GABRA2: variants seen among roughly 807,000 people sequenced by gnomAD.
GABRA2 encodes gamma-aminobutyric acid type A receptor subunit alpha2, also known as gamma-aminobutyric acid receptor subunit alpha-2.
In GABRA2, 16 loss-of-function variants were observed where a neutral mutation model predicts 48.7. The observed-to-expected ratio is 0.33, with a 90% confidence interval of 0.22 to 0.50. GABRA2 has a LOEUF of 0.50. GABRA2 is among the 20% of genes least tolerant of loss of function. The probability of loss-of-function intolerance (pLI) is 0.98; values close to 1 mark genes in which losing one functional copy is unlikely to be tolerated. For synonymous variants in GABRA2, 185 were observed against 184.5 expected (o/e 1.00, Z -0.02); for missense variants, 275 against 535.6 (o/e 0.51, Z 4.80).
At chr4:46,289,477 T>C (rs1227078607) in intron 8 of GABRA2, among the ~76,000 whole-genome samples, 2 of 152,136 alleles carry the variant, frequency 1.3e-5, no homozygotes, top group African/African-American at 4.8e-5. Context: ...ATATTCTCAC[T>C]TATAAGTGGT....
intron 8 of GABRA2, 186 bp downstream of exon 8, chr4:46,303,274 A>T (rs560566413): frequency 4.4e-5 from 25 of 572,392 alleles, no homozygotes; most frequent in African/African-American, 4.3e-4. Flanking sequence ...TTCTTTCCTT[A>T]TATCCCTTAT....
chr4:46,287,383 T>C (rs904993048), intron 8 of GABRA2, among the ~76,000 whole-genome samples: 1 of 152,064 alleles, frequency 6.6e-6, no homozygotes, highest in Non-Finnish European at 1.5e-5. Flanking sequence ...TGGATAAGAA[T>C]GTCCAACAAT....
At chr4:46,262,714 A>T (rs991661874) in intron 8 of GABRA2, among the ~76,000 whole-genome samples, 3 of 152,072 alleles carry the variant, frequency 2.0e-5, no homozygotes, top group Non-Finnish European at 4.4e-5. Flanking sequence ...CCTGGCCAAG[A>T]TGGTGAAACC....
intron 3 of GABRA2, among the ~76,000 whole-genome samples, chr4:46,335,980 C>A (rs1271507710): frequency 6.6e-6 from 1 of 152,028 alleles, no homozygotes; most frequent in African/African-American, 2.4e-5. Context: ...TTTTATGGGA[C>A]CTTTCAACTT....
chr4:46,376,683 T>G (rs1485080412), intron 3 of GABRA2, among the ~76,000 whole-genome samples: 3 of 151,906 alleles, frequency 2.0e-5, no homozygotes, highest in Admixed American at 2.0e-4. Context: ...AGCCGAGAGT[T>G]CAAGACCAGA....
At position 46,305,677 on chromosome 4, in the gene GABRA2, C is replaced by A; in HGVS notation, c.594G>T (p.Trp198Cys). The A allele has an allele frequency of 6.2e-7, 1 of 1,613,018 alleles. No individual in the cohort carries two copies. The highest frequency in any genetic ancestry group is 1.1e-5 in the South Asian group (1 of 91,040). ...AYTTSEVTYI[W>C]TYNASDSVQV... The stretch of plus-strand genomic sequence containing the variant: ...GTACTGAATCAGATGCATTGTAAGT[C>A]CAAATATAAGTGACCTCTGAAGTTG... Residue 198 changes from tryptophan (W) to cysteine (C), a missense_variant, in exon 7 of 10, where the codon TGG (tryptophan) becomes TGT (cysteine). By Grantham distance (215) the Trp-to-Cys change is radical. This residue lies in a region of GABRA2 where 113 missense variants were observed against 257.1 expected (regional missense o/e 0.44). Coordinates refer to ENST00000381620, the MANE Select transcript of GABRA2 (RefSeq NM_000807.4).
intron 9 of GABRA2, among the ~76,000 whole-genome samples, chr4:46,257,792 T>C (rs1189413506): frequency 2.0e-5 from 3 of 151,320 alleles, no homozygotes; most frequent in Non-Finnish European, 4.4e-5. Context: ...CTATAAAAAG[T>C]ATGAGAGATG....
At chr4:46,355,106 A>G (rs1047384328) in intron 3 of GABRA2, among the ~76,000 whole-genome samples, 2 of 152,042 alleles carry the variant, frequency 1.3e-5, no homozygotes, top group African/African-American at 4.8e-5. Context: ...CCACGTCAAC[A>G]CTTCACTTTC....
chr4:46,377,325 G>T (rs1234852182), intron 3 of GABRA2, among the ~76,000 whole-genome samples: 2 of 151,602 alleles, frequency 1.3e-5, no homozygotes, highest in African/African-American at 4.8e-5. Context: ...CATCTGGGAA[G>T]TGAGGAGCGT....
At position 46,250,060 on chromosome 4, in the gene GABRA2, CT is replaced by C; in HGVS notation, c.*247del. 2.6e-6 allele frequency: 1 copy of C among 390,828 alleles called. No homozygotes were observed. The highest frequency in any genetic ancestry group is 4.6e-6 in the Non-Finnish European group (1 of 217,312). 24.2% of individuals were successfully genotyped at this position (390,828 alleles called of 1,614,324 possible). On this transcript the variant is annotated 3_prime_UTR_variant, in exon 10 of 10. Transcript: ENST00000381620. ...AATTAATCAGGTCACTTGAAATTCA[CT>C]TTAAATCAGGTCCTAGGGTAAATCT...
intron 4 of GABRA2, among the ~76,000 whole-genome samples, chr4:46,317,811 A>T (rs187176600): frequency 6.6e-6 from 1 of 151,962 alleles, no homozygotes; most frequent in Admixed American, 6.6e-5. Context: ...TATAATTATC[A>T]GTGAGGCTAT....
At chr4:46,281,555 T>C (rs1009687573) in intron 8 of GABRA2, among the ~76,000 whole-genome samples, 2 of 152,136 alleles carry the variant, frequency 1.3e-5, no homozygotes, top group African/African-American at 2.4e-5. Flanking sequence ...TCTCATTTAG[T>C]AGAAGGAATG....
chr4:46,330,581 T>TAGAG (rs1208739474), intron 4 of GABRA2, among the ~76,000 whole-genome samples: 31 of 105,348 alleles, frequency 2.9e-4, no homozygotes, highest in African/African-American at 5.7e-4. Context: ...TATATATATA[T>TAGAG]ATATATATAT....
intron 3 of GABRA2, among the ~76,000 whole-genome samples, chr4:46,353,501 G>A (rs992937526): frequency 6.6e-6 from 1 of 152,108 alleles, no homozygotes; most frequent in African/African-American, 2.4e-5. Flanking sequence ...ACAATGGCCA[G>A]CAAGGCCATA....
intron 3 of GABRA2, among the ~76,000 whole-genome samples, chr4:46,381,919 A>G (rs75486132): frequency 2.0e-5 from 3 of 152,250 alleles, no homozygotes; most frequent in East Asian, 3.9e-4. Context: ...GATGAAGTCA[A>G]CTCTATAGTT....
At chr4:46,265,404 G>T (rs1239901893) in intron 8 of GABRA2, among the ~76,000 whole-genome samples, 2 of 120,470 alleles carry the variant, frequency 1.7e-5, no homozygotes, top group African/African-American at 3.3e-5. Context: ...ATAATATATT[G>T]TGTATATATA....
intron 3 of GABRA2, among the ~76,000 whole-genome samples, chr4:46,348,903 T>C (rs1309225705): frequency 6.7e-6 from 1 of 149,278 alleles, no homozygotes; most frequent in East Asian, 2.0e-4. Context: ...TGTGCACATG[T>C]ACCCTAAAAC....
chr4:46,336,075 C>T (rs941257085), intron 3 of GABRA2, among the ~76,000 whole-genome samples: 1 of 152,112 alleles, frequency 6.6e-6, no homozygotes, highest in Non-Finnish European at 1.5e-5. Flanking sequence ...TTAAGCTCCA[C>T]AAAGAACAGG....
chr4:46,250,020 T>G lies in GABRA2; in HGVS notation c.*288A>C. The G allele has an allele frequency of 3.5e-6, 1 of 286,288 alleles. No individual in the cohort carries two copies. Among genetic ancestry groups the G allele is most frequent in the Non-Finnish European group, 6.6e-6 (1 of 152,460 alleles). The allele number at this position is 286,288 out of a possible 1,614,324, so 17.7% of individuals were successfully genotyped here. A position where few individuals can be genotyped will look rare whatever the true frequency, so the allele number is the denominator to read the frequency against. On this transcript the variant is annotated 3_prime_UTR_variant, in exon 10 of 10. Transcript: ENST00000381620. ...GTACAGGATCCCCATTTTCATCTCA[T>G]TTGGAAGAATAGGAAATTAATCAGG...
Sources: allele counts gnomAD v4.1 joint callset (sites outside exome capture counted in the v4.1 genomes callset), GRCh38; gene constraint gnomAD v4.1.1; regional missense constraint gnomAD v4.1.1; transcripts MANE v1.5; gene names NCBI Gene and HGNC (gene_info 2026-07-23, HGNC 2026-07-21).